The following SHANK2 variants were observed in gnomAD, a reference collection of about 807,000 sequenced individuals.
SHANK2 encodes the protein SH3 and multiple ankyrin repeat domains 2, also known as SH3 and multiple ankyrin repeat domains protein 2.
A neutral mutation model predicts 133.7 loss-of-function variants in SHANK2; 43 were observed. The ratio of observed to expected loss-of-function variants is 0.32; its 90% CI spans 0.25 to 0.41. The LOEUF (loss-of-function observed/expected upper bound fraction) is 0.41, where lower values mean the gene tolerates loss of function less well. Among genes scored for constraint, SHANK2 ranks in the 10% least tolerant of loss-of-function variants. SHANK2 has a pLI of 1.00. For missense variants in SHANK2, 1,994 were observed against 2,235.8 expected, an observed-to-expected ratio of 0.89 and a Z score of 2.18; for synonymous variants, 1,017 against 952.8, an observed-to-expected ratio of 1.07 and a Z score of -1.24.
At chr11:71,165,995 G>A (rs1182188240) in intron 2 of SHANK2, among the ~76,000 whole-genome samples, 3 of 152,162 alleles carry the variant, frequency 2.0e-5, no homozygotes, top group Non-Finnish European at 4.4e-5. Flanking sequence ...GTGCTGCACA[G>A]ACAGACGAAT....
At chr11:70,885,651 T>C (rs1949729070) in intron 11 of SHANK2, among the ~76,000 whole-genome samples, 1 of 152,130 alleles carries the variant, frequency 6.6e-6, no homozygotes, top group Admixed American at 6.5e-5. Context: ...AGATGCATGC[T>C]GGGCAGGAGC....
chr11:71,064,919 G>A (rs1951029821), intron 9 of SHANK2, among the ~76,000 whole-genome samples: 1 of 152,170 alleles, frequency 6.6e-6, no homozygotes, highest in Non-Finnish European at 1.5e-5. Context: ...TGAGCTGGGA[G>A]ACTCCGACTG....
At chr11:70,701,143 G>A (rs1167502920) in intron 14 of SHANK2, among the ~76,000 whole-genome samples, 1 of 152,064 alleles carries the variant, frequency 6.6e-6, no homozygotes, top group Non-Finnish European at 1.5e-5. Context: ...AGTGTGTAGT[G>A]GAATGTGTGC....
intron 17 of SHANK2, among the ~76,000 whole-genome samples, chr11:70,546,018 C>T (rs1280676972): frequency 6.6e-6 from 1 of 152,082 alleles, no homozygotes; most frequent in African/African-American, 2.4e-5. Flanking sequence ...ATGGGGGGTG[C>T]AGAGCTTCCA....
At position 70,804,361 on chromosome 11, in the gene SHANK2, G is replaced by A. The variant is rs1555051397; in HGVS notation, c.1663+2641C>T. The stretch of plus-strand genomic sequence containing the variant: ...GGCAGGAAGGAAGAGCGGTGCCACT[G>A]GCAGCAGGAAGGGGCTCCGTGCCAA... On this transcript the variant is annotated intron_variant, in intron 13 of 25. Coordinates refer to ENST00000601538, the MANE Select transcript of SHANK2 (RefSeq NM_012309.5). This position sits in a 1 kb window ranked among gnomAD's most constrained non-coding sequence, Gnocchi z 4.1. 6.6e-6 allele frequency among the ~76,000 whole-genome samples: 1 copy of A among 152,240 alleles called. No individual in the cohort carries two copies. The highest frequency in any genetic ancestry group is 6.5e-5 in the Admixed American group (1 of 15,292).
intron 2 of SHANK2, among the ~76,000 whole-genome samples, chr11:71,207,598 G>A (rs1267891795): frequency 6.6e-6 from 1 of 152,128 alleles, no homozygotes; most frequent in Admixed American, 6.5e-5. Flanking sequence ...CCAAGAAAAG[G>A]GGAAATTAGC....
chr11:70,581,964 C>T (rs1384844187), intron 17 of SHANK2, among the ~76,000 whole-genome samples: 1 of 152,232 alleles, frequency 6.6e-6, no homozygotes, highest in African/African-American at 2.4e-5. Context: ...TAAATGTTTG[C>T]CAGCTCTGCC....
intron 8 of SHANK2, among the ~76,000 whole-genome samples, chr11:71,079,498 T>C (rs1951263909): frequency 6.6e-6 from 1 of 152,100 alleles, no homozygotes; most frequent in Non-Finnish European, 1.5e-5. Flanking sequence ...TGGTGGCTCA[T>C]GCCTGTAATC....
chr11:70,835,759 G>T (rs1024593546), intron 11 of SHANK2, among the ~76,000 whole-genome samples: 1 of 152,192 alleles, frequency 6.6e-6, no homozygotes, highest in Non-Finnish European at 1.5e-5. Context: ...CTGACTCAAG[G>T]CAGGGTTCTG....
chr11:70,604,487 G>GCA (rs2060547770), intron 17 of SHANK2: 1 of 152,482 alleles, frequency 6.6e-6, no homozygotes, highest in African/African-American at 2.4e-5. Context: ...GCTCTGGGCT[G>GCA]CAGTGGGCAC....
At chr11:71,219,742 A>C (rs1555120707) in intron 2 of SHANK2, among the ~76,000 whole-genome samples, 1 of 151,936 alleles carries the variant, frequency 6.6e-6, no homozygotes, top group Non-Finnish European at 1.5e-5. Flanking sequence ...CAAATAAAAT[A>C]AAATAATTAG....
chr11:71,075,001 A>C (rs1951200229), intron 9 of SHANK2, among the ~76,000 whole-genome samples, 158 bp downstream of exon 9: 1 of 151,764 alleles, frequency 6.6e-6, no homozygotes, highest in African/African-American at 2.4e-5. Context: ...GATGGTCTCG[A>C]TCTCCTGACC....
chr11:70,763,462 G>A (rs573321337), intron 14 of SHANK2, among the ~76,000 whole-genome samples: 1 of 152,270 alleles, frequency 6.6e-6, no homozygotes, highest in East Asian at 1.9e-4. Flanking sequence ...GCAGGGAAGT[G>A]TAGCAGAAGT....
chr11:70,550,746 C>T (rs2059754457), intron 17 of SHANK2, among the ~76,000 whole-genome samples: 2 of 152,212 alleles, frequency 1.3e-5, no homozygotes, highest in African/African-American at 2.4e-5. Context: ...CCAAACCTCC[C>T]TTCAGTCCTG....
chr11:70,840,840 G>C (rs1463983859), intron 11 of SHANK2, among the ~76,000 whole-genome samples: 1 of 152,150 alleles, frequency 6.6e-6, no homozygotes, highest in Non-Finnish European at 1.5e-5. Context: ...CCAGCACCGG[G>C]CACTTCTAAG....
At position 70,804,328 on chromosome 11, in the gene SHANK2, G is replaced by A. The variant is rs963112552; in HGVS notation, c.1663+2674C>T. ...CACCCCACGATGGGGAGGAGGCACC[G>A]ACAGCTCGGCAGGAAGGAAGAGCGG... is the stretch of plus-strand genomic sequence containing the variant. On this transcript the variant is annotated intron_variant, in intron 13 of 25. Coordinates refer to ENST00000601538, the MANE Select transcript of SHANK2 (RefSeq NM_012309.5). This position sits in a 1 kb window ranked among gnomAD's most constrained non-coding sequence, Gnocchi z 4.1. Among the ~76,000 whole-genome samples, 5 of 152,232 alleles carry A rather than the reference G, an allele frequency of 3.3e-5. No individual in the cohort carries two copies. Among genetic ancestry groups the A allele is most frequent in the Non-Finnish European group, 5.9e-5 (4 of 68,032 alleles).
intron 9 of SHANK2, among the ~76,000 whole-genome samples, chr11:71,068,005 CATCCATATCATCACT>C (rs1410728457): frequency 3.9e-5 from 6 of 151,932 alleles, no homozygotes; most frequent in Non-Finnish European, 8.8e-5. Context: ...CCATCATCAC[CATCCATATCATCACT>C]AGCATCATCG....
rs142873200 is a variant in SHANK2, at chr11:70,491,823, G to A, written c.2439+512C>T. ...TGCCTAGGGAAGGTGACCATGGCAC[G>A]GGCAGCCTGCTCTGAGCCAGGCACC... On this transcript the variant is annotated intron_variant, in intron 22 of 25. Transcript: ENST00000601538. Among the ~76,000 whole-genome samples, 302 of 152,308 alleles carry A rather than the reference G, an allele frequency of 2.0e-3. 1 individual carries two copies. The highest frequency in any genetic ancestry group is 6.8e-3 in the African/African-American group (281 of 41,552).
At chr11:70,849,658 TG>T (rs1245245194) in intron 11 of SHANK2, among the ~76,000 whole-genome samples, 5 of 152,178 alleles carry the variant, frequency 3.3e-5, no homozygotes, top group African/African-American at 1.2e-4. Context: ...TTCCTCTCTT[TG>T]AATTTTCTTA....
Sources: allele counts gnomAD v4.1 joint callset (sites outside exome capture counted in the v4.1 genomes callset), GRCh38; gene constraint gnomAD v4.1.1; non-coding constraint Gnocchi (gnomAD v3.1); transcripts MANE v1.5; gene names NCBI Gene and HGNC (gene_info 2026-07-23, HGNC 2026-07-21).